PDZRN4: variants seen among roughly 807,000 people sequenced by gnomAD.
The protein encoded by PDZRN4 is PDZ domain-containing RING finger protein 4.
In PDZRN4, 70 loss-of-function variants were observed where a neutral mutation model predicts 99.0. That is an observed-to-expected ratio of 0.71 (90% confidence interval 0.58 to 0.86). The LOEUF (loss-of-function observed/expected upper bound fraction) is 0.86. PDZRN4 is among the 40% of genes least tolerant of loss of function. The pLI, the probability that PDZRN4 is intolerant of heterozygous loss-of-function variation, is 0.00. For missense variants in PDZRN4, 1,474 were observed against 1,331.2 expected, an observed-to-expected ratio of 1.11 and a Z score of -1.67; for synonymous variants, 551 against 501.6, an observed-to-expected ratio of 1.10 and a Z score of -1.32.
intron 8 of PDZRN4, among the ~76,000 whole-genome samples, chr12:41,565,861 TG>T (rs899927819): frequency 5.9e-5 from 9 of 152,318 alleles, no homozygotes; most frequent in Admixed American, 5.9e-4. Flanking sequence ...TTCCTTTTTC[TG>T]AGATGCCACA....
chr12:41,217,414 G>A (rs958127704), intron 3 of PDZRN4, among the ~76,000 whole-genome samples: 2 of 151,828 alleles, frequency 1.3e-5, no homozygotes, highest in Non-Finnish European at 2.9e-5. Context: ...TTGCAACCTG[G>A]TCCTGCTCTA....
chr12:41,386,178 G>A (rs143232329), intron 3 of PDZRN4, among the ~76,000 whole-genome samples: 118 of 152,194 alleles, frequency 7.8e-4, no homozygotes, highest in African/African-American at 2.7e-3. Context: ...AATAATAAGA[G>A]CCATCTATGA....
chr12:41,374,495 C>T (rs747512547), intron 3 of PDZRN4, among the ~76,000 whole-genome samples: 3 of 152,060 alleles, frequency 2.0e-5, no homozygotes, highest in Non-Finnish European at 2.9e-5. Context: ...GGGGAAGTGA[C>T]CTCACATGCT....
chr12:41,203,449 TGACAAGGTAG>T (rs1950829840), intron 3 of PDZRN4, among the ~76,000 whole-genome samples: 1 of 152,056 alleles, frequency 6.6e-6, no homozygotes. Context: ...ATGAGTCAAA[TGACAAGGTAG>T]GACTTGTGTG....
intron 3 of PDZRN4, among the ~76,000 whole-genome samples, chr12:41,405,818 GC>G (rs773834603): frequency 5.9e-5 from 9 of 152,088 alleles, no homozygotes; most frequent in South Asian, 2.1e-4. Context: ...AGAGCTGGAG[GC>G]CATAGTCCTT....
At chr12:41,284,923 A>T (rs1951412467) in intron 3 of PDZRN4, among the ~76,000 whole-genome samples, 1 of 152,220 alleles carries the variant, frequency 6.6e-6, no homozygotes, top group Non-Finnish European at 1.5e-5. Flanking sequence ...AAACCTAGGC[A>T]ATACCATTCA....
intron 3 of PDZRN4, among the ~76,000 whole-genome samples, chr12:41,418,651 C>G (rs1254459488): frequency 2.0e-5 from 3 of 152,158 alleles, no homozygotes; most frequent in Admixed American, 6.5e-5. Context: ...GGCTACTTTT[C>G]TACCCTGAAA....
chr12:41,503,152 G>A (rs1465012328), intron 3 of PDZRN4, among the ~76,000 whole-genome samples: 1 of 152,094 alleles, frequency 6.6e-6, no homozygotes, highest in African/African-American at 2.4e-5. Context: ...GATCATCAAT[G>A]CTTGCATTTT....
intron 3 of PDZRN4, among the ~76,000 whole-genome samples, chr12:41,395,054 G>T (rs954303246): frequency 6.6e-6 from 1 of 151,896 alleles, no homozygotes; most frequent in Admixed American, 6.6e-5. Flanking sequence ...TATTTATATT[G>T]CTCCCACTAT....
At chr12:41,412,251 G>A (rs548441994) in intron 3 of PDZRN4, 132 of 152,280 alleles carry the variant, frequency 8.7e-4, no homozygotes, top group African/African-American at 2.5e-3. Context: ...TGGTCCAAAT[G>A]ACTGTTTCAC....
At chr12:41,425,012 C>CTCTG (rs750422188) in intron 3 of PDZRN4, among the ~76,000 whole-genome samples, 3 of 152,042 alleles carry the variant, frequency 2.0e-5, no homozygotes, top group Non-Finnish European at 4.4e-5. Context: ...ACCACAAAGA[C>CTCTG]TCTGACACAA....
intron 3 of PDZRN4, among the ~76,000 whole-genome samples, chr12:41,455,380 T>C (rs910491255): frequency 6.6e-6 from 1 of 152,154 alleles, no homozygotes; most frequent in African/African-American, 2.4e-5. Flanking sequence ...ATTTTACATT[T>C]GCAAATCTTG....
chr12:41,304,431 C>T (rs371472499), intron 3 of PDZRN4, among the ~76,000 whole-genome samples: 2 of 152,112 alleles, frequency 1.3e-5, no homozygotes, highest in African/African-American at 2.4e-5. Context: ...ATTATCTTCA[C>T]CTATGAAGCT....
At chr12:41,512,390 G>A (rs961030758) in intron 5 of PDZRN4, among the ~76,000 whole-genome samples, 31 of 152,038 alleles carry the variant, frequency 2.0e-4, no homozygotes, top group African/African-American at 7.2e-4. Flanking sequence ...CTTATACAGA[G>A]TGGTAATGCA....
intron 3 of PDZRN4, among the ~76,000 whole-genome samples, chr12:41,419,959 A>G (rs947973331): frequency 2.6e-5 from 4 of 152,188 alleles, no homozygotes; most frequent in South Asian, 2.1e-4. Context: ...TCTAAGAGGC[A>G]GTTTCCATGT....
At chr12:41,472,428 A>G (rs1005634333) in intron 3 of PDZRN4, among the ~76,000 whole-genome samples, 1 of 152,212 alleles carries the variant, frequency 6.6e-6, no homozygotes, top group African/African-American at 2.4e-5. Flanking sequence ...GTTAGGACAC[A>G]TTTTACCTCT....
chr12:41,498,707 A>G (rs1300584235), intron 3 of PDZRN4, among the ~76,000 whole-genome samples: 1 of 152,138 alleles, frequency 6.6e-6, no homozygotes, highest in East Asian at 1.9e-4. Flanking sequence ...TTCAAACCAT[A>G]GCAGGGATAT....
chr12:41,253,667 A>G (rs1457940846), intron 3 of PDZRN4, among the ~76,000 whole-genome samples: 9 of 152,222 alleles, frequency 5.9e-5, no homozygotes. Flanking sequence ...GAAATTCAAT[A>G]TATCAAAGAT....
intron 3 of PDZRN4, among the ~76,000 whole-genome samples, chr12:41,423,128 A>G (rs546390331): frequency 1.3e-5 from 2 of 151,796 alleles, no homozygotes; most frequent in Non-Finnish European, 2.9e-5. Flanking sequence ...AGTTAGATAA[A>G]TCTTTTTTTA....
Sources: allele counts gnomAD v4.1 joint callset (sites outside exome capture counted in the v4.1 genomes callset), GRCh38; gene constraint gnomAD v4.1.1; transcripts MANE v1.5; gene names NCBI Gene and HGNC (gene_info 2026-07-23, HGNC 2026-07-21).